Variants in SHMT2 observed in about 807,000 individuals in gnomAD.
The protein encoded by SHMT2 is serine hydroxymethyltransferase, mitochondrial.
SHMT2 carries 38 observed loss-of-function variants against 59.6 expected under a neutral mutation model. The observed-to-expected ratio is 0.64, with a 90% CI of 0.49 to 0.84. The LOEUF (loss-of-function observed/expected upper bound fraction) is 0.84. SHMT2 is among the 40% of genes least tolerant of loss of function. The pLI is 0.00. For missense variants in SHMT2, 533 were observed against 659.5 expected (o/e 0.81, Z 2.10); for synonymous variants, 254 against 258.1 (o/e 0.98, Z 0.15).
In SHMT2 at chr12:57,231,014, A is replaced by G. The variant is rs2037294368; in HGVS notation, c.231+14A>G. 1 of 1,612,478 alleles carries G rather than the reference A, an allele frequency of 6.2e-7. No homozygotes were observed. Among genetic ancestry groups the G allele is most frequent in the African/African-American group, 1.3e-5 (1 of 74,848 alleles). On this transcript the variant is annotated intron_variant, in intron 2 of 11. Transcript: ENST00000328923. The stretch of plus-strand genomic sequence containing the variant: ...ATTGCCTCAGAGGTGGGACCTGGGG[A>G]GATGGGCAGGGGTTGGGCCACCATG...
At position 57,231,560 on chromosome 12, in the gene SHMT2, G is replaced by A. The variant is rs778023306; in HGVS notation, c.311G>A (p.Arg104Lys). Residue 104 changes from arginine to lysine, a missense_variant and splice_region_variant, in exon 3 of 12, where the codon AGA becomes AAA. By Grantham distance (26) the Arg-to-Lys change is conservative. Coordinates refer to ENST00000328923, the MANE Select transcript of SHMT2 (RefSeq NM_005412.6). The part of the protein sequence containing the change: ...NKYSEGYPGK[R>K]YYGGAEVVDE... ...TACTCGGAGGGTTATCCTGGCAAGA[G>A]GTGAGGGCTGGAGGGCAGTGTCAGG... 3 of 1,614,224 alleles carry A rather than the reference G, an allele frequency of 1.9e-6. No homozygotes were observed. The highest frequency in any genetic ancestry group is 2.5e-6 in the Non-Finnish European group (3 of 1,180,042).
In SHMT2 at chr12:57,233,995, C is replaced by T. The variant is rs760983024; in HGVS notation, c.1280-8C>T. The T allele has an allele frequency of 2.0e-5, 32 of 1,614,010 alleles. No individual in the cohort carries two copies. The highest frequency in any genetic ancestry group is 1.2e-4 in the Admixed American group (7 of 60,006). ...TATGCTCATCCCTCCCCTTGTGCCT[C>T]GTTCCAGGGGCCCCAGCCTTAACTT... On this transcript the variant is annotated splice_region_variant and splice_polypyrimidine_tract_variant and intron_variant, in intron 10 of 11. Coordinates refer to ENST00000328923, the MANE Select transcript of SHMT2 (RefSeq NM_005412.6).
At chr12:57,233,392 G>A in intron 8 of SHMT2, 47 bp downstream of exon 8, 1 of 1,551,016 alleles carries the variant, frequency 6.4e-7, no homozygotes, top group Non-Finnish European at 8.7e-7. Context: ...ATGGCCTGGA[G>A]GCTTAGACCC....
intron 1 of SHMT2, chr12:57,230,512 G>T: frequency 7.7e-7 from 1 of 1,291,762 alleles, no homozygotes; most frequent in Non-Finnish European, 9.9e-7. Flanking sequence ...GAGTTGGGGA[G>T]ACATAGGCTT....
At chr12:57,230,129 T>C (rs1243506712) in intron 1 of SHMT2, 1 of 1,325,822 alleles carries the variant, frequency 7.5e-7, no homozygotes. Context: ...CGGCCTGGTC[T>C]CACAAGCTGA....
intron 8 of SHMT2, 97 bp downstream of exon 8, chr12:57,233,442 A>T: frequency 6.6e-7 from 1 of 1,508,808 alleles, no homozygotes; most frequent in Non-Finnish European, 9.0e-7. Flanking sequence ...TGGAAGGGAA[A>T]TGCCAGGATG....
At position 57,233,235 on chromosome 12, in the gene SHMT2, C is replaced by G; in HGVS notation, c.913C>G (p.Arg305Gly). The G allele has an allele frequency of 6.2e-7, 1 of 1,606,390 alleles. No homozygotes were observed. Residue 305 changes from arginine to glycine, a missense_variant, in exon 8 of 12, where the codon CGG becomes GGG. Coordinates refer to ENST00000328923, the MANE Select transcript of SHMT2 (RefSeq NM_005412.6). ...GAAGGCTGTGGACCCCAAGACTGGCCGGGAGATCCCTTACACATTTGAGGA... is the reference window on the plus strand; with the variant it reads ...GAAGGCTGTGGACCCCAAGACTGGCGGGGAGATCCCTTACACATTTGAGGA... ...GVKAVDPKTG[R>G]EIPYTFEDRI...
Position 57,232,787 on chromosome 12 carries a change from T to C in SHMT2, c.801T>C (p.Pro267=), listed in dbSNP as rs773697432. The change falls in exon 7 of 12, where the codon CCT becomes CCC. Residue 267 remains proline, a synonymous_variant. Coordinates refer to ENST00000328923, the MANE Select transcript of SHMT2 (RefSeq NM_005412.6). ...GLVAAKVIPS[P]FKHADIVTTT... The stretch of plus-strand genomic sequence containing the variant: ...TGGCTGCCAAGGTGATTCCCTCGCC[T>C]TTCAAGCACGCGGACATCGTCACCA... The C allele has an allele frequency of 1.2e-6, 2 of 1,613,554 alleles. No individual in the cohort carries two copies. Among genetic ancestry groups the C allele is most frequent in the Non-Finnish European group, 1.7e-6 (2 of 1,179,520 alleles).
intron 3 of SHMT2, 69 bp from the exon 4 acceptor site, chr12:57,231,644 A>G (rs1450477010): frequency 8.7e-6 from 14 of 1,611,660 alleles, no homozygotes; most frequent in Non-Finnish European, 1.1e-5. Flanking sequence ...TGAGGAGTGA[A>G]CTTCCCAGTC....
rs757617081 is a variant in SHMT2, at chr12:57,233,297, G to T, written c.975G>T (p.Gly325=). The T allele has an allele frequency of 3.1e-6, 5 of 1,603,374 alleles. No individual in the cohort carries two copies. The South Asian group carries it at 5.5e-5, about 18-fold the overall frequency. Residue 325 remains glycine (G), a synonymous_variant, in exon 8 of 12, where the codon GGG becomes GGT. Transcript: ENST00000328923. The part of the protein sequence containing the change: ...INFAVFPSLQ[G]GPHNHAIAAV... Reference sequence around the variant, plus strand: ...TTGCCGTGTTCCCATCCCTGCAGGGGGGCCCCCACAATCATGCCATTGCTG... The same window carrying T: ...TTGCCGTGTTCCCATCCCTGCAGGGTGGCCCCCACAATCATGCCATTGCTG...
rs1333931664 is a variant in SHMT2, at chr12:57,233,774, G to A, written c.1149G>A (p.Leu383=). ...GTGGTACTGACAACCACCTGGTGCT[G>A]GTGGACCTGCGGCCCAAGGGCCTGG... ...VSGGTDNHLV[L]VDLRPKGLDG... The change falls in exon 10 of 12, where the codon CTG becomes CTA. Residue 383 remains leucine (L), a synonymous_variant. Transcript: ENST00000328923. 6.2e-7 allele frequency: 1 copy of A among 1,614,236 alleles called. No homozygotes were observed. Among genetic ancestry groups the A allele is most frequent in the East Asian group, 2.2e-5 (1 of 44,888 alleles).
rs751765248 is a variant in SHMT2 at position 57,232,197 on chromosome 12, C to T, written c.513-14C>T. The T allele has an allele frequency of 1.2e-6, 2 of 1,613,386 alleles. No individual in the cohort carries two copies. Among genetic ancestry groups the T allele is most frequent in the Admixed American group, 1.7e-5 (1 of 60,016 alleles). On this transcript the variant is annotated splice_polypyrimidine_tract_variant and intron_variant, in intron 4 of 11. Coordinates refer to ENST00000328923, the MANE Select transcript of SHMT2 (RefSeq NM_005412.6). The stretch of plus-strand genomic sequence containing the variant: ...CCTTCCACCCAGGCCTTCTTACTTC[C>T]TCTCACTTCGCAGTCTCACCCACGG...
intron 1 of SHMT2, chr12:57,230,416 C>G: frequency 8.7e-7 from 1 of 1,152,468 alleles, no homozygotes; most frequent in Non-Finnish European, 1.1e-6. Flanking sequence ...CCCCCGCTGA[C>G]TGGGGTATCA....
Position 57,234,386 on chromosome 12 carries a change from A to C in SHMT2, c.*25A>C. 2.6e-6 allele frequency: 4 copies of C among 1,554,462 alleles called. No homozygotes were observed. Among genetic ancestry groups the C allele is most frequent in the Non-Finnish European group, 3.5e-6 (4 of 1,150,784 alleles). ...AAGGCACCTGGGAAATGAGGCCCAC[A>C]GACTCAAAGTTACTCTCCTTCCCCC... On this transcript the variant is annotated 3_prime_UTR_variant, in exon 12 of 12. Coordinates refer to ENST00000328923, the MANE Select transcript of SHMT2 (RefSeq NM_005412.6).
At chr12:57,232,375 G>T (rs769745150) in intron 5 of SHMT2, 78 bp from the exon 6 acceptor site, 1 of 1,613,486 alleles carries the variant, frequency 6.2e-7, no homozygotes, top group Non-Finnish European at 8.5e-7. Flanking sequence ...GGAGCGCCGG[G>T]CCGTCCTTAG....
chr12:57,230,873 A>T lies in SHMT2; in HGVS notation c.104A>T (p.Gln35Leu), dbSNP rs768724103. 1.2e-6 allele frequency: 2 copies of T among 1,614,164 alleles called. No individual in the cohort carries two copies. Among genetic ancestry groups the T allele is most frequent in the Non-Finnish European group, 1.7e-6 (2 of 1,180,028 alleles). The change falls in exon 2 of 12, where the codon CAG (glutamine) becomes CTG (leucine). Residue 35 changes from glutamine to leucine, a missense_variant. Physicochemically the swap from Gln to Leu is moderately radical, Grantham distance 113. Coordinates refer to ENST00000328923, the MANE Select transcript of SHMT2 (RefSeq NM_005412.6). ...CAGCACAGCAACGCAGCCCAGACTC[A>T]GACTGGGGAAGCAAACAGGGGCTGG... Reference protein sequence around the residue: ...RAQHSNAAQTQTGEANRGWTG... With the variant: ...RAQHSNAAQTLTGEANRGWTG...
chr12:57,233,835 T>C lies in SHMT2; in HGVS notation c.1210T>C (p.Ser404Pro). 1 of 1,614,180 alleles carries C rather than the reference T, an allele frequency of 6.2e-7. No individual in the cohort carries two copies. Among genetic ancestry groups the C allele is most frequent in the Non-Finnish European group, 8.5e-7 (1 of 1,180,028 alleles). Residue 404 changes from serine to proline, a missense_variant, in exon 10 of 12, where the codon TCC (serine) becomes CCC (proline). Ser to Pro is a moderately conservative substitution (Grantham distance 74). Coordinates refer to ENST00000328923, the MANE Select transcript of SHMT2 (RefSeq NM_005412.6). ...GGCTGAGCGGGTGCTAGAGCTTGTA[T>C]CCATCACTGCCAACAAGAACACCTG... ...ARAERVLELV[S>P]ITANKNTCPG...
At chr12:57,229,903 GC>G in intron 1 of SHMT2, 92 bp downstream of exon 1, 1 of 1,563,564 alleles carries the variant, frequency 6.4e-7, no homozygotes, top group Non-Finnish European at 8.7e-7. Flanking sequence ...GGTTCTCTTG[GC>G]TTTTCCATGC....
At chr12:57,230,583 C>A in intron 1 of SHMT2, 1 of 1,408,602 alleles carries the variant, frequency 7.1e-7, no homozygotes, top group Admixed American at 2.9e-5. Flanking sequence ...TTCTGAGGTG[C>A]GGTGCGGTGA....
Sources: allele counts gnomAD v4.1 joint callset, GRCh38; gene constraint gnomAD v4.1.1; transcripts MANE v1.5; gene names NCBI Gene and HGNC (gene_info 2026-07-23, HGNC 2026-07-21).